The following ANKS1A variants were observed in gnomAD, a reference collection of about 807,000 sequenced individuals.
The protein encoded by ANKS1A is ankyrin repeat and sterile alpha motif domain containing 1A.
ANKS1A carries 55 observed loss-of-function variants against 120.3 expected under a neutral mutation model. The ratio of observed to expected loss-of-function variants is 0.46; its 90% CI spans 0.37 to 0.57. The LOEUF is 0.57. ANKS1A is among the 20% of genes least tolerant of loss of function. The pLI is 0.00. For synonymous variants in ANKS1A, 590 were observed against 604.7 expected (o/e 0.98, Z 0.36); for missense variants, 1,123 against 1,480.3 (o/e 0.76, Z 3.96).
Position 35,017,646 on chromosome 6 carries a change from C to G in ANKS1A, c.1597C>G (p.Gln533Glu), listed in dbSNP as rs768476371. 6.2e-7 allele frequency: 1 copy of G among 1,613,802 alleles called. No homozygotes were observed. Among genetic ancestry groups the G allele is most frequent in the Non-Finnish European group, 8.5e-7 (1 of 1,179,872 alleles). The change falls in exon 11 of 24, where the codon CAG (glutamine) becomes GAG (glutamate). Residue 533 changes from glutamine to glutamate, a missense_variant. Gln to Glu is a conservative substitution (Grantham distance 29, BLOSUM62 2). This residue lies in a region of ANKS1A where 904 missense variants were observed against 1,130.4 expected (regional missense o/e 0.80). Transcript: ENST00000360359. ...AGQSHPDGSP[Q>E]QGACHKASMQ... ...CCAGAGCCATCCAGACGGGTCCCCC[C>G]AGCAGGGCGCCTGCCACAAGGCCAG... is the stretch of plus-strand genomic sequence containing the variant.
At chr6:34,932,636 C>T (rs980059759) in intron 1 of ANKS1A, among the ~76,000 whole-genome samples, 5 of 152,230 alleles carry the variant, frequency 3.3e-5, no homozygotes, top group Admixed American at 3.3e-4. Context: ...CTATCCGTCT[C>T]AACCTCCCAA....
intron 23 of ANKS1A, among the ~76,000 whole-genome samples, chr6:35,088,002 G>A (rs1302851504): frequency 2.0e-5 from 3 of 152,232 alleles, no homozygotes; most frequent in Non-Finnish European, 2.9e-5. Flanking sequence ...CACACACGGC[G>A]CACCTTCTTC....
intron 10 of ANKS1A, among the ~76,000 whole-genome samples, chr6:35,014,096 AC>A (rs1474014246): frequency 1.3e-5 from 2 of 152,206 alleles, no homozygotes; most frequent in African/African-American, 4.8e-5. Flanking sequence ...TATTGTTAGC[AC>A]CTTGTCCCTA....
At chr6:35,047,823 C>T (rs763773879) in intron 11 of ANKS1A, among the ~76,000 whole-genome samples, 5 of 152,164 alleles carry the variant, frequency 3.3e-5, no homozygotes, top group Non-Finnish European at 4.4e-5. Context: ...AGTATTGGTT[C>T]CGTGTATTTC....
intron 7 of ANKS1A, among the ~76,000 whole-genome samples, chr6:34,983,771 C>T (rs1772036605): frequency 6.6e-6 from 1 of 151,310 alleles, no homozygotes; most frequent in Non-Finnish European, 1.5e-5. Context: ...GTGCCTTGTA[C>T]ACAGTTGACG....
intron 1 of ANKS1A, among the ~76,000 whole-genome samples, chr6:34,899,258 G>C (rs1481951562): frequency 6.6e-6 from 1 of 152,136 alleles, no homozygotes; most frequent in Non-Finnish European, 1.5e-5. Context: ...TTAACTTAAG[G>C]CTTTACTGGT....
At position 34,981,874 on chromosome 6, in the gene ANKS1A, A is replaced by G. The variant is rs776286641; in HGVS notation, c.620A>G (p.Asn207Ser). 3.1e-6 allele frequency: 5 copies of G among 1,614,006 alleles called. No individual in the cohort carries two copies. The highest frequency in any genetic ancestry group is 1.1e-5 in the South Asian group (1 of 91,064). Residue 207 changes from asparagine (N) to serine (S), a missense_variant, in exon 4 of 24, where the codon AAC becomes AGC. Asn to Ser is a conservative substitution (Grantham distance 46, BLOSUM62 1). Transcript: ENST00000360359. ...VVKMLLNAHPNLLSCNTKKHT... is the reference protein window; with the variant it reads ...VVKMLLNAHPSLLSCNTKKHT... ...AAAATGCTCCTTAATGCACACCCCA[A>G]CCTCCTGAGCTGCAACACTAAGAAG...
intron 13 of ANKS1A, among the ~76,000 whole-genome samples, chr6:35,065,176 T>C (rs2127594286): frequency 6.6e-6 from 1 of 152,188 alleles, no homozygotes; most frequent in South Asian, 2.1e-4. Flanking sequence ...ACAGGCTCAT[T>C]TGGGGCCTAT....
intron 1 of ANKS1A, among the ~76,000 whole-genome samples, chr6:34,950,668 A>G (rs1186212508): frequency 6.6e-6 from 1 of 152,166 alleles, no homozygotes; most frequent in African/African-American, 2.4e-5. Context: ...TAAAGGAAAC[A>G]TCAAGGCTAG....
In ANKS1A at chr6:35,060,196, G is replaced by A. The variant is rs1187663389; in HGVS notation, c.2127G>A (p.Gly709=). 6.2e-7 allele frequency: 1 copy of A among 1,612,798 alleles called. No homozygotes were observed. The change falls in exon 13 of 24, where the codon GGG becomes GGA. Residue 709 remains glycine, a synonymous_variant. Coordinates refer to ENST00000360359, the MANE Select transcript of ANKS1A (RefSeq NM_015245.3). This position sits in a 1 kb window ranked among gnomAD's most constrained non-coding sequence, Gnocchi z 4.5. ...QSVGEWLESI[G]LQQYESKLLL... ...TCGGGGAGTGGCTGGAGTCGATTGG[G>A]CTGCAGCAGTATGAGAGCAAGTTGC...
Position 34,985,171 on chromosome 6 carries a change from A to G in ANKS1A, c.1102A>G (p.Ile368Val), listed in dbSNP as rs375468129. ...EGPYEALYNA[I>V]SCHSLDSMAS... ...TCCCTACGAAGCTCTGTATAATGCC[A>G]TCTCCTGCCATTCGTTGGACAGCAT... The change falls in exon 8 of 24, where the codon ATC becomes GTC. Residue 368 changes from isoleucine to valine, a missense_variant. This residue lies in a region of ANKS1A where 904 missense variants were observed against 1,130.4 expected (regional missense o/e 0.80). Transcript: ENST00000360359. 1.9e-6 allele frequency: 3 copies of G among 1,614,192 alleles called. No individual in the cohort carries two copies. Among genetic ancestry groups the G allele is most frequent in the Non-Finnish European group, 2.5e-6 (3 of 1,180,036 alleles).
At chr6:34,976,392 A>G (rs1771586620) in intron 3 of ANKS1A, among the ~76,000 whole-genome samples, 1 of 152,162 alleles carries the variant, frequency 6.6e-6, no homozygotes, top group Admixed American at 6.5e-5. Flanking sequence ...TAAACCAGCC[A>G]AATGTAAATT....
chr6:35,017,563 G>A lies in ANKS1A; in HGVS notation c.1514G>A (p.Gly505Asp), dbSNP rs199969282. The change falls in exon 11 of 24, where the codon GGC becomes GAC. Residue 505 changes from glycine (G) to aspartate (D), a missense_variant. This residue lies in a region of ANKS1A where 904 missense variants were observed against 1,130.4 expected (regional missense o/e 0.80). Coordinates refer to ENST00000360359, the MANE Select transcript of ANKS1A (RefSeq NM_015245.3). Reference protein sequence around the residue: ...VPEQFSGLLHGSSPVCEVGQD... With the variant: ...VPEQFSGLLHDSSPVCEVGQD... ...GAGCAGTTCTCAGGCCTCCTCCACG[G>A]CTCCTCCCCGGTGTGCGAGGTGGGG... is the stretch of plus-strand genomic sequence containing the variant. The A allele has an allele frequency of 2.8e-5, 45 of 1,613,940 alleles. No homozygotes were observed. The highest frequency in any genetic ancestry group is 3.7e-5 in the Non-Finnish European group (44 of 1,180,012).
chr6:34,982,139 A>G lies in ANKS1A; in HGVS notation c.732+153A>G, dbSNP rs1771937320. On this transcript the variant is annotated intron_variant, in intron 4 of 23. Transcript: ENST00000360359. The surrounding 1 kb of genome is among the most constrained non-coding windows in gnomAD (Gnocchi z 4.9). ...TGCCGACTCATTCTAATGTGACACTAAGAAACAAATGAACTCCTCAAGCAA... is the reference window on the plus strand; with the variant it reads ...TGCCGACTCATTCTAATGTGACACTGAGAAACAAATGAACTCCTCAAGCAA... Among the ~76,000 whole-genome samples, 2 of 152,204 alleles carry G rather than the reference A, an allele frequency of 1.3e-5. No homozygotes were observed. Among genetic ancestry groups the G allele is most frequent in the Non-Finnish European group, 2.9e-5 (2 of 68,044 alleles).
chr6:34,945,416 G>A (rs1157348272), intron 1 of ANKS1A, among the ~76,000 whole-genome samples: 2 of 152,122 alleles, frequency 1.3e-5, no homozygotes, highest in African/African-American at 4.8e-5. Context: ...AAGGTATAAG[G>A]TCTGTGTCTA....
chr6:34,897,623 A>G (rs1767154374), intron 1 of ANKS1A, among the ~76,000 whole-genome samples: 1 of 152,184 alleles, frequency 6.6e-6, no homozygotes, highest in Admixed American at 6.5e-5. Context: ...TGTGGTAGAG[A>G]AAATTATATC....
intron 1 of ANKS1A, among the ~76,000 whole-genome samples, chr6:34,899,184 T>C (rs1443731160): frequency 6.6e-6 from 1 of 152,232 alleles, no homozygotes; most frequent in Non-Finnish European, 1.5e-5. Flanking sequence ...TACTGATTTA[T>C]GGTTGCTAAA....
At chr6:34,950,921 G>A (rs1326524279) in intron 1 of ANKS1A, among the ~76,000 whole-genome samples, 4 of 152,202 alleles carry the variant, frequency 2.6e-5, no homozygotes, top group African/African-American at 7.2e-5. Context: ...GCTTTGAGGA[G>A]CCTGACTGAA....
Position 34,967,394 on chromosome 6 carries a change from G to A in ANKS1A, c.278+75G>A, listed in dbSNP as rs572824842. On this transcript the variant is annotated intron_variant, in intron 2 of 23. Coordinates refer to ENST00000360359, the MANE Select transcript of ANKS1A (RefSeq NM_015245.3). Reference sequence around the variant, plus strand: ...CTTCACGTTGCCTTTTCATTTCCTAGAAAAGTTTGCTGGCTGAGCTTAGTG... The same window carrying A: ...CTTCACGTTGCCTTTTCATTTCCTAAAAAAGTTTGCTGGCTGAGCTTAGTG... 26 of 1,501,790 alleles carry A rather than the reference G, an allele frequency of 1.7e-5. No homozygotes were observed. In the South Asian group the frequency reaches 2.4e-4, roughly 14 times the overall value. The allele number at this position is 1,501,790 out of a possible 1,614,324, so 93.0% of individuals were successfully genotyped here.
Sources: allele counts gnomAD v4.1 joint callset (sites outside exome capture counted in the v4.1 genomes callset), GRCh38; gene constraint gnomAD v4.1.1; regional missense constraint gnomAD v4.1.1; non-coding constraint Gnocchi (gnomAD v3.1); transcripts MANE v1.5; gene names NCBI Gene and HGNC (gene_info 2026-07-23, HGNC 2026-07-21).